The following BTBD1 variants were observed in gnomAD, a reference collection of about 807,000 sequenced individuals.
The protein encoded by BTBD1 is BTB domain containing 1.
BTBD1 carries 34 observed loss-of-function variants against 48.0 expected under a neutral mutation model. The observed-to-expected ratio is 0.71, with a 90% CI of 0.54 to 0.94. The LOEUF (loss-of-function observed/expected upper bound fraction) is 0.94, where lower values mean the gene tolerates loss of function less well. BTBD1 is among the 40% of genes least tolerant of loss of function. BTBD1 has a pLI of 0.00. For synonymous variants in BTBD1, 261 were observed against 242.1 expected (o/e 1.08, Z -0.72); for missense variants, 543 against 625.6 (o/e 0.87, Z 1.41).
At chr15:83,031,459 T>C (rs1391069331) in intron 4 of BTBD1, among the ~76,000 whole-genome samples, 2 of 152,192 alleles carry the variant, frequency 1.3e-5, no homozygotes, top group African/African-American at 4.8e-5. Context: ...TAAAAAATGA[T>C]GAGTTCGTGT....
Position 83,051,240 on chromosome 15 carries a change from T to G in BTBD1, c.559-1062A>C, listed in dbSNP as rs190441480. Reference sequence around the variant, plus strand: ...GTATTATGTTGGCTTGGGCAGAAACTTTCTGAGAATACTGCCAATTAGTTA... The same window carrying G: ...GTATTATGTTGGCTTGGGCAGAAACGTTCTGAGAATACTGCCAATTAGTTA... On this transcript the variant is annotated intron_variant, in intron 2 of 7. Coordinates refer to ENST00000261721, the MANE Select transcript of BTBD1 (RefSeq NM_025238.4). Among the ~76,000 whole-genome samples, 41 of 152,232 alleles carry G rather than the reference T, an allele frequency of 2.7e-4. No homozygotes were observed. In the East Asian group the frequency reaches 7.5e-3, roughly 28 times the overall value.
At chr15:83,041,413 T>C (rs1157382224) in intron 4 of BTBD1, among the ~76,000 whole-genome samples, 4 of 151,818 alleles carry the variant, frequency 2.6e-5, no homozygotes, top group Non-Finnish European at 5.9e-5. Context: ...TCTCGCTCTG[T>C]CGCCCGGGCT....
chr15:83,049,472 T>C (rs982334954), intron 3 of BTBD1, among the ~76,000 whole-genome samples: 1 of 152,214 alleles, frequency 6.6e-6, no homozygotes, highest in African/African-American at 2.4e-5. Flanking sequence ...GTCAAAATTT[T>C]CCTAACACTA....
At chr15:83,042,551 T>A (rs1330805256) in intron 3 of BTBD1, among the ~76,000 whole-genome samples, 1 of 151,740 alleles carries the variant, frequency 6.6e-6, no homozygotes, top group Non-Finnish European at 1.5e-5. Context: ...ACCTGGCTAA[T>A]TTTTATATTT....
chr15:83,035,592 T>A (rs546661742), intron 4 of BTBD1, among the ~76,000 whole-genome samples: 8 of 151,614 alleles, frequency 5.3e-5, no homozygotes, highest in Non-Finnish European at 1.0e-4. Context: ...AGAGAAAAAA[T>A]ATACACTTAA....
intron 5 of BTBD1, among the ~76,000 whole-genome samples, chr15:83,027,940 A>G (rs2151301689): frequency 6.6e-6 from 1 of 152,366 alleles, no homozygotes; most frequent in Non-Finnish European, 1.5e-5. Flanking sequence ...ATTGAACTAC[A>G]TATTTTACTA....
At chr15:83,063,568 AAG>A (rs1261058570) in intron 1 of BTBD1, among the ~76,000 whole-genome samples, 1 of 152,164 alleles carries the variant, frequency 6.6e-6, no homozygotes, top group Non-Finnish European at 1.5e-5. Flanking sequence ...CACTGCCAGA[AAG>A]AGTTTGTTTT....
At chr15:83,039,984 G>GACACACAC (rs34590396) in intron 4 of BTBD1, among the ~76,000 whole-genome samples, 2,693 of 146,186 alleles carry the variant, frequency 0.018, 67 homozygotes, top group African/African-American at 0.062. Flanking sequence ...TAGAGAATGT[G>GACACACAC]ACACACACAC....
intron 3 of BTBD1, among the ~76,000 whole-genome samples, chr15:83,042,376 A>ATATATG (rs1491038548): frequency 8.2e-6 from 1 of 121,778 alleles, no homozygotes; most frequent in Admixed American, 8.3e-5. Flanking sequence ...ATATATATAT[A>ATATATG]TGTATGTATA....
At chr15:83,058,610 T>A (rs59572346) in intron 1 of BTBD1, among the ~76,000 whole-genome samples, 10,414 of 151,456 alleles carry the variant, frequency 0.069, 353 homozygotes, top group East Asian at 0.14. Context: ...CTTAAAAAAA[T>A]TTTTTTTTAA....
At chr15:83,032,986 A>AAAAAC (rs1555439417) in intron 4 of BTBD1, among the ~76,000 whole-genome samples, 5 of 151,372 alleles carry the variant, frequency 3.3e-5, no homozygotes, top group African/African-American at 1.2e-4. Flanking sequence ...AAAAAAAAAA[A>AAAAAC]AACAGAATAG....
Position 83,041,805 on chromosome 15 carries a change from C to A in BTBD1, c.785G>T (p.Gly262Val). The change falls in exon 4 of 8, where the codon GGG becomes GTG. Residue 262 changes from glycine (G) to valine (V), a missense_variant. Coordinates refer to ENST00000261721, the MANE Select transcript of BTBD1 (RefSeq NM_025238.4). ...TTTTCCTAGAACTTTTTGTTTATTCCCAAAAGTCACAGGTAATTGTTGTCT... is the reference window on the plus strand; with the variant it reads ...TTTTCCTAGAACTTTTTGTTTATTCACAAAAGTCACAGGTAATTGTTGTCT... ...CQRQQLPVTF[G>V]NKQKVLGKAL... is the part of the protein sequence containing the mutation. The A allele has an allele frequency of 1.2e-6, 2 of 1,614,096 alleles. No homozygotes were observed. The highest frequency in any genetic ancestry group is 2.7e-5 in the African/African-American group (2 of 75,016).
Position 83,030,156 on chromosome 15 carries a change from A to G in BTBD1, c.1035T>C (p.Ser345=). Residue 345 remains serine, a synonymous_variant, in exon 5 of 8, where the codon AGT becomes AGC. Coordinates refer to ENST00000261721, the MANE Select transcript of BTBD1 (RefSeq NM_025238.4). ...FQQVESRWGY[S]GTSDRIRFTV... ...GATACCTGATTCGATCACTCGTCCC[A>G]CTGTAACCCCAGCGGCTTTCTACTT... 1 of 1,613,932 alleles carries G rather than the reference A, an allele frequency of 6.2e-7. No homozygotes were observed. The highest frequency in any genetic ancestry group is 1.1e-5 in the South Asian group (1 of 91,066).
At chr15:83,065,244 C>T (rs1407536756) in intron 1 of BTBD1, among the ~76,000 whole-genome samples, 1 of 152,206 alleles carries the variant, frequency 6.6e-6, no homozygotes, top group Admixed American at 6.5e-5. Flanking sequence ...AACTGTTTTC[C>T]AAAAGGGTTT....
chr15:83,026,369 A>T (rs556883625), intron 5 of BTBD1, among the ~76,000 whole-genome samples: 1 of 152,124 alleles, frequency 6.6e-6, no homozygotes, highest in African/African-American at 2.4e-5. Context: ...AACTAGGGAA[A>T]CTGGATTTCC....
At position 83,057,815 on chromosome 15, in the gene BTBD1, C is replaced by G. The variant is rs550890805; in HGVS notation, c.402-1270G>C. On this transcript the variant is annotated intron_variant, in intron 1 of 7. Coordinates refer to ENST00000261721, the MANE Select transcript of BTBD1 (RefSeq NM_025238.4). ...TGATTAAACTCCGTCTCCAACTTCACTATTCTAAGCAGCTGGTCTGTTTTC... is the reference window on the plus strand; with the variant it reads ...TGATTAAACTCCGTCTCCAACTTCAGTATTCTAAGCAGCTGGTCTGTTTTC... 6.6e-5 allele frequency among the ~76,000 whole-genome samples: 10 copies of G among 152,376 alleles called. No homozygotes were observed. In the South Asian group the frequency reaches 2.1e-3, roughly 32 times the overall value.
intron 3 of BTBD1, among the ~76,000 whole-genome samples, chr15:83,046,217 GA>G (rs2032874630): frequency 6.6e-6 from 1 of 151,910 alleles, no homozygotes; most frequent in Non-Finnish European, 1.5e-5. Context: ...GCAACATGGC[GA>G]AACCCCGTCT....
chr15:83,062,705 G>A (rs1378307295), intron 1 of BTBD1, among the ~76,000 whole-genome samples: 2 of 151,692 alleles, frequency 1.3e-5, no homozygotes, highest in Non-Finnish European at 2.9e-5. Flanking sequence ...ATGAGGGTCT[G>A]GAGCTAAGTA....
intron 1 of BTBD1, among the ~76,000 whole-genome samples, chr15:83,057,098 TGA>T (rs1250632435): frequency 6.6e-6 from 1 of 152,200 alleles, no homozygotes; most frequent in Non-Finnish European, 1.5e-5. Flanking sequence ...TACCATTTGT[TGA>T]GTGTCTGCCG....
Sources: allele counts gnomAD v4.1 joint callset (sites outside exome capture counted in the v4.1 genomes callset), GRCh38; gene constraint gnomAD v4.1.1; transcripts MANE v1.5; gene names NCBI Gene and HGNC (gene_info 2026-07-23, HGNC 2026-07-21).